C2CD5: variants seen among roughly 807,000 people sequenced by gnomAD.
C2CD5 encodes the protein C2 calcium dependent domain containing 5, also known as C2 domain-containing protein 5.
Under a neutral mutation model 130.3 loss-of-function variants are expected in C2CD5, and 109 were observed. The ratio of observed to expected loss-of-function variants is 0.84; its 90% CI spans 0.72 to 0.98. The LOEUF is 0.98. Ranked by LOEUF, C2CD5 falls within the 50% of genes least tolerant of loss-of-function variation. The pLI, the probability that C2CD5 is intolerant of heterozygous loss-of-function variation, is 0.00. For missense variants in C2CD5, 996 were observed against 1,261.8 expected, an observed-to-expected ratio of 0.79 and a Z score of 3.19; for synonymous variants, 454 against 429.2, an observed-to-expected ratio of 1.06 and a Z score of -0.71.
At chr12:22,512,710 A>AG (rs1949319594) in intron 9 of C2CD5, 105 of 1,432,176 alleles carry the variant, frequency 7.3e-5, no homozygotes, top group Admixed American at 1.2e-4. Flanking sequence ...AAAAAAAAAA[A>AG]AGAGAGAGAG....
intron 2 of C2CD5, among the ~76,000 whole-genome samples, chr12:22,539,569 T>C (rs530254130): frequency 1.3e-4 from 19 of 151,956 alleles, no homozygotes; most frequent in South Asian, 8.3e-4. Flanking sequence ...TTGGGGAAAA[T>C]AGTAATTGCA....
At chr12:22,535,015 A>T in intron 3 of C2CD5, 1 of 298,930 alleles carries the variant, frequency 3.3e-6, no homozygotes, top group Non-Finnish European at 6.1e-6. Context: ...TCTAGAGAAA[A>T]CTACAATAAT....
In C2CD5 at chr12:22,513,285, G is replaced by T; in HGVS notation, c.1038+9C>A. ...AGTGTAAGAACAAAGAATATCAAGTGAATCTTACCCTCTGTTCCAACGCTG... is the reference window on the plus strand; with the variant it reads ...AGTGTAAGAACAAAGAATATCAAGTTAATCTTACCCTCTGTTCCAACGCTG... On this transcript the variant is annotated intron_variant, in intron 9 of 26. Transcript: ENST00000446597. 1 of 1,570,008 alleles carries T rather than the reference G, an allele frequency of 6.4e-7. No homozygotes were observed. Among genetic ancestry groups the T allele is most frequent in the Non-Finnish European group, 8.8e-7 (1 of 1,140,234 alleles).
At chr12:22,533,818 T>C (rs1024176092) in intron 3 of C2CD5, among the ~76,000 whole-genome samples, 17 of 152,208 alleles carry the variant, frequency 1.1e-4, no homozygotes, top group Admixed American at 8.5e-4. Flanking sequence ...TACCAATCAA[T>C]GGTAAAAGAA....
intron 25 of C2CD5, among the ~76,000 whole-genome samples, chr12:22,456,416 T>C (rs1446345606): frequency 6.6e-6 from 1 of 152,164 alleles, no homozygotes; most frequent in African/African-American, 2.4e-5. Flanking sequence ...TCTGAACTTT[T>C]CCCACATCAA....
At chr12:22,484,078 C>T (rs942032684) in intron 13 of C2CD5, among the ~76,000 whole-genome samples, 2 of 151,996 alleles carry the variant, frequency 1.3e-5, no homozygotes, top group African/African-American at 2.4e-5. Context: ...GAGAAGTCAT[C>T]AAGGAGGATG....
chr12:22,462,627 T>A (rs1213810790), intron 22 of C2CD5, among the ~76,000 whole-genome samples: 1 of 152,170 alleles, frequency 6.6e-6, no homozygotes, highest in African/African-American at 2.4e-5. Context: ...TCTTCCTCCC[T>A]CAAACAGACA....
At chr12:22,458,781 G>A in intron 23 of C2CD5, 196 bp from the exon 24 acceptor site, 1 of 336,250 alleles carries the variant, frequency 3.0e-6, no homozygotes, top group Non-Finnish European at 5.4e-6. Flanking sequence ...CAAGTTCTCA[G>A]TTAGCAGGCT....
intron 26 of C2CD5, among the ~76,000 whole-genome samples, chr12:22,450,939 G>T (rs1938460332): frequency 6.6e-6 from 1 of 152,012 alleles, no homozygotes; most frequent in Admixed American, 6.6e-5. Flanking sequence ...AAAAGCAGGT[G>T]AAAGAGACAG....
chr12:22,480,111 C>T (rs1255388823), intron 14 of C2CD5, among the ~76,000 whole-genome samples: 1 of 152,074 alleles, frequency 6.6e-6, no homozygotes, highest in African/African-American at 2.4e-5. Context: ...ACCAGGGAAC[C>T]CCCTTCTCTA....
At chr12:22,512,655 T>C in intron 9 of C2CD5, 1 of 1,494,718 alleles carries the variant, frequency 6.7e-7, no homozygotes, top group South Asian at 1.3e-5. Context: ...ACCCGCCTTC[T>C]ACAGAACCTA....
chr12:22,524,267 C>T (rs1046764070), intron 6 of C2CD5, among the ~76,000 whole-genome samples: 1 of 152,134 alleles, frequency 6.6e-6, no homozygotes, highest in Non-Finnish European at 1.5e-5. Flanking sequence ...ACACAATTTC[C>T]TTTTACTACA....
chr12:22,457,718 C>T (rs1940223377), intron 24 of C2CD5, among the ~76,000 whole-genome samples: 1 of 151,936 alleles, frequency 6.6e-6, no homozygotes, highest in Non-Finnish European at 1.5e-5. Flanking sequence ...ATAATAGCTA[C>T]CACTTATTAA....
At position 22,458,517 on chromosome 12, in the gene C2CD5, C is replaced by T. The variant is rs911038824; in HGVS notation, c.2653G>A (p.Ala885Thr). ...ATTGATCCACGCCTTATGGTCTGAG[C>T]TTTCAGTTTAATGAGCTCTATCCAG... is the stretch of plus-strand genomic sequence containing the variant. ...SSWIELIKLK[A>T]QTIRRGSIKT... is the part of the protein sequence containing the mutation. Residue 885 changes from alanine to threonine, a missense_variant, in exon 24 of 27, where the codon GCT (alanine) becomes ACT (threonine). This residue lies in a region of C2CD5 where 590 missense variants were observed against 631.4 expected (regional missense o/e 0.93). Transcript: ENST00000446597. 7.7e-7 allele frequency: 1 copy of T among 1,303,924 alleles called. No individual in the cohort carries two copies. The highest frequency in any genetic ancestry group is 3.0e-5 in the East Asian group (1 of 33,898). The allele number at this position is 1,303,924 out of a possible 1,614,324, so 80.8% of individuals were successfully genotyped here.
chr12:22,451,475 T>A (rs1348722843), intron 26 of C2CD5, among the ~76,000 whole-genome samples: 1 of 152,146 alleles, frequency 6.6e-6, no homozygotes, highest in Non-Finnish European at 1.5e-5. Context: ...GCTAATGACA[T>A]AAATCATGGC....
intron 16 of C2CD5, among the ~76,000 whole-genome samples, chr12:22,473,990 C>A (rs10842028): frequency 2.6e-5 from 4 of 151,960 alleles, no homozygotes; most frequent in Non-Finnish European, 5.9e-5. Flanking sequence ...TAGGCCTGTG[C>A]GTCTCTCATA....
rs191331991 is a variant in C2CD5 at position 22,498,835 on chromosome 12, G to A, written c.1148-5498C>T. Among the ~76,000 whole-genome samples, 58 of 151,986 alleles carry A rather than the reference G, an allele frequency of 3.8e-4. 1 individual carries two copies. Among genetic ancestry groups the A allele is most frequent in the African/African-American group, 1.4e-3 (56 of 41,456 alleles). On this transcript the variant is annotated intron_variant, in intron 10 of 26. Transcript: ENST00000446597. ...ATATCAACTCACAAATTTTGTCTAC[G>A]TCCAGAAGCTATCTCCCACTAATAA...
Position 22,449,657 on chromosome 12 carries a change from T to G in C2CD5, c.*103A>C. 2 of 1,057,204 alleles carry G rather than the reference T, an allele frequency of 1.9e-6. No homozygotes were observed. The highest frequency in any genetic ancestry group is 2.8e-6 in the Non-Finnish European group (2 of 724,206). 65.5% of individuals were successfully genotyped at this position (1,057,204 alleles called of 1,614,324 possible). The stretch of plus-strand genomic sequence containing the variant: ...CAAATCAAATCTACTCAATTCTTCC[T>G]TATTTATCTCAAGTTCAATTTTAAG... On this transcript the variant is annotated 3_prime_UTR_variant, in exon 27 of 27. Transcript: ENST00000446597.
At chr12:22,497,903 C>CACAT (rs1052686496) in intron 10 of C2CD5, among the ~76,000 whole-genome samples, 2 of 98,492 alleles carry the variant, frequency 2.0e-5, no homozygotes, top group South Asian at 3.5e-4. Context: ...CGCATGCACA[C>CACAT]ACATACACAC....
Sources: allele counts gnomAD v4.1 joint callset (sites outside exome capture counted in the v4.1 genomes callset), GRCh38; gene constraint gnomAD v4.1.1; regional missense constraint gnomAD v4.1.1; transcripts MANE v1.5; gene names NCBI Gene and HGNC (gene_info 2026-07-23, HGNC 2026-07-21).